Variants in TEX14 observed in about 807,000 individuals in gnomAD.
TEX14 encodes the protein testis expressed 14, intercellular bridge forming factor, also known as inactive serine/threonine-protein kinase TEX14.
A neutral mutation model predicts 178.6 loss-of-function variants in TEX14; 168 were observed. The observed-to-expected ratio is 0.94, with a 90% CI of 0.83 to 1.07. TEX14 has a LOEUF of 1.07. TEX14 is among the 50% of genes least tolerant of loss of function. The pLI is 0.00. For missense variants in TEX14, 1,730 were observed against 1,753.6 expected, an observed-to-expected ratio of 0.99 and a Z score of 0.24; for synonymous variants, 626 against 634.1, an observed-to-expected ratio of 0.99 and a Z score of 0.19.
intron 15 of TEX14, 54 bp from the exon 16 acceptor site, chr17:58,588,075 A>G: frequency 1.3e-6 from 1 of 762,650 alleles, no homozygotes; most frequent in Non-Finnish European, 2.3e-6. Flanking sequence ...TTTAGTTTCT[A>G]AGTTTAGATT....
At chr17:58,610,604 G>A (rs2045720575) in intron 10 of TEX14, among the ~76,000 whole-genome samples, 2 of 152,140 alleles carry the variant, frequency 1.3e-5, no homozygotes, top group South Asian at 4.1e-4. Flanking sequence ...CTGCTCAAAG[G>A]GCCAGGCGCA....
intron 10 of TEX14, among the ~76,000 whole-genome samples, chr17:58,605,988 C>A (rs1228378927): frequency 6.6e-6 from 1 of 152,176 alleles, no homozygotes; most frequent in East Asian, 1.9e-4. Context: ...TAAACTCTTT[C>A]AAGAGCCCTC....
chr17:58,578,121 C>T (rs79073005), intron 20 of TEX14, among the ~76,000 whole-genome samples: 7,390 of 152,130 alleles, frequency 0.049, 383 homozygotes, highest in African/African-American at 0.13. Context: ...CTATGACTCC[C>T]CCACCCCCAT....
chr17:58,576,890 T>C (rs2044691200), intron 21 of TEX14, among the ~76,000 whole-genome samples: 1 of 152,228 alleles, frequency 6.6e-6, no homozygotes, highest in African/African-American at 2.4e-5. Context: ...AAGCACTCAA[T>C]GGTATGGATG....
intron 5 of TEX14, among the ~76,000 whole-genome samples, 160 bp from the exon 6 acceptor site, chr17:58,617,779 G>A (rs1207333074): frequency 6.6e-6 from 1 of 152,124 alleles, no homozygotes; most frequent in Admixed American, 6.5e-5. Flanking sequence ...CCTCTGAGAG[G>A]GCCTCTATGA....
At chr17:58,654,329 A>C (rs1390445058) in intron 1 of TEX14, among the ~76,000 whole-genome samples, 1 of 152,066 alleles carries the variant, frequency 6.6e-6, no homozygotes, top group Non-Finnish European at 1.5e-5. Context: ...TACACCTTGT[A>C]CCAAGGACCA....
At chr17:58,587,498 T>C in intron 17 of TEX14, 83 bp downstream of exon 17, 1 of 848,926 alleles carries the variant, frequency 1.2e-6, no homozygotes, top group Non-Finnish European at 1.9e-6. Flanking sequence ...GCAACACAGG[T>C]TGTGTACTTA....
intron 26 of TEX14, 99 bp from the exon 27 acceptor site, chr17:58,565,923 A>G: frequency 1.1e-6 from 1 of 903,710 alleles, no homozygotes; most frequent in South Asian, 1.5e-5. Context: ...TTAGACTTGC[A>G]GCATTAACAT....
chr17:58,599,394 G>GT lies in TEX14; in HGVS notation c.1950dup (p.Pro651ThrfsTer2). On this transcript the variant is annotated frameshift_variant, in exon 14 of 32. Transcript: ENST00000349033. LOFTEE classifies it high-confidence loss of function. The stretch of plus-strand genomic sequence containing the variant: ...GATTTCAGTTCATCTACCTGGTTAG[G>GT]TCCGTCTGCCTCCAAAGATGAAGCA... 6.2e-7 allele frequency: 1 copy of GT among 1,614,088 alleles called. No individual in the cohort carries two copies. Among genetic ancestry groups the GT allele is most frequent in the Non-Finnish European group, 8.5e-7 (1 of 1,180,038 alleles).
chr17:58,631,719 G>C (rs535482724), intron 2 of TEX14: 2 of 149,166 alleles, frequency 1.3e-5, no homozygotes, highest in East Asian at 2.0e-4. Context: ...ACCAAACACT[G>C]CTATCCCACT....
chr17:58,617,389 G>A (rs1434765075), intron 6 of TEX14, 149 bp downstream of exon 6: 2 of 587,812 alleles, frequency 3.4e-6, no homozygotes, highest in Non-Finnish European at 6.1e-6. Context: ...GGAACACTAA[G>A]AGATACCTTT....
At position 58,565,705 on chromosome 17, in the gene TEX14, G is replaced by A. The variant is rs771589452; in HGVS notation, c.3964+42C>T. 4.7e-6 allele frequency: 7 copies of A among 1,475,754 alleles called. No homozygotes were observed. The Admixed American group carries it at 1.1e-4, about 23-fold the overall frequency. 91.4% of individuals were successfully genotyped at this position (1,475,754 alleles called of 1,614,324 possible). On this transcript the variant is annotated intron_variant, in intron 27 of 31. Transcript: ENST00000349033. ...GTACCACTGTGTTGCCAAGGACAGC[G>A]TTAAAAGAACCTGATGAAAACAATC...
rs757441380 is a variant in TEX14 at position 58,616,250 on chromosome 17, C to T, written c.692G>A (p.Gly231Glu). 3.7e-6 allele frequency: 6 copies of T among 1,613,962 alleles called. No homozygotes were observed. The Admixed American group carries it at 6.7e-5, about 18-fold the overall frequency. ...MAYLGSLPVIGEKEVIQADDE... is the reference protein window; with the variant it reads ...MAYLGSLPVIEEKEVIQADDE... ...ATCAGCTTGAATCACTTCCTTTTCT[C>T]CAATGACCGGAAGAGATCCTAGATA... is the stretch of plus-strand genomic sequence containing the variant. Residue 231 changes from glycine to glutamate, a missense_variant, in exon 7 of 32, where the codon GGA becomes GAA. Gly to Glu is a moderately conservative substitution (Grantham distance 98, BLOSUM62 -2). Coordinates refer to ENST00000349033, the MANE Select transcript of TEX14 (RefSeq NM_031272.5).
intron 19 of TEX14, chr17:58,581,743 T>G (rs762741443): frequency 6.2e-7 from 1 of 1,605,992 alleles, no homozygotes; most frequent in Non-Finnish European, 8.5e-7. Context: ...ATTAATAATG[T>G]AGGAAATCAC....
chr17:58,659,209 T>C (rs1180858342), intron 1 of TEX14: 6 of 284,390 alleles, frequency 2.1e-5, no homozygotes, highest in Non-Finnish European at 3.2e-5. Context: ...GTTTTCTCAT[T>C]CGGGGAAATC....
intron 1 of TEX14, among the ~76,000 whole-genome samples, chr17:58,654,060 C>A (rs1369171075): frequency 6.6e-6 from 1 of 152,118 alleles, no homozygotes; most frequent in Non-Finnish European, 1.5e-5. Context: ...CGCCTGTAGT[C>A]CCAGCTACTC....
At chr17:58,661,584 CT>C (rs746161600) in intron 1 of TEX14, 1 of 728,292 alleles carries the variant, frequency 1.4e-6, no homozygotes, top group South Asian at 1.5e-5. Context: ...AGGAACTCGT[CT>C]TCAGCAGCTG....
chr17:58,579,778 C>T (rs372587989), intron 19 of TEX14, 47 bp from the exon 20 acceptor site: 1 of 1,417,350 alleles, frequency 7.1e-7, no homozygotes, highest in African/African-American at 1.4e-5. Context: ...TCACTGGAGG[C>T]AGACATATTA....
Position 58,602,476 on chromosome 17 carries a change from G to T in TEX14, c.1451C>A (p.Ser484Ter), listed in dbSNP as rs1211450583. 16 of 1,613,806 alleles carry T rather than the reference G, an allele frequency of 9.9e-6. No homozygotes were observed. The highest frequency in any genetic ancestry group is 1.3e-5 in the African/African-American group (1 of 74,858). Residue 484 changes from serine to a stop codon, truncating the protein, a stop_gained, in exon 12 of 32, where the codon TCA becomes TAA. Coordinates refer to ENST00000349033, the MANE Select transcript of TEX14 (RefSeq NM_031272.5). LOFTEE classifies it high-confidence loss of function. ...LPKPYYDIVKSGIHVKQKDRT... is the reference protein window; with the variant it reads ...LPKPYYDIVK The stretch of plus-strand genomic sequence containing the variant: ...GTCTTTCTGCTTGACGTGGATGCCT[G>T]ACTTAACAATATCATAGTAAGGTTT...
Sources: allele counts gnomAD v4.1 joint callset (sites outside exome capture counted in the v4.1 genomes callset), GRCh38; gene constraint gnomAD v4.1.1; transcripts MANE v1.5; gene names NCBI Gene and HGNC (gene_info 2026-07-23, HGNC 2026-07-21).